NLGN4X: variants seen among roughly 807,000 people sequenced by gnomAD.
NLGN4X encodes neuroligin 4 X-linked.
NLGN4X carries 3 observed loss-of-function variants against 40.3 expected under a neutral mutation model. That is an observed-to-expected ratio of 0.07 (90% CI 0.03 to 0.19). The LOEUF is 0.19. Among genes scored for constraint, NLGN4X ranks in the 10% least tolerant of loss-of-function variants. The probability of loss-of-function intolerance (pLI) is 1.00; values close to 1 mark genes in which losing one functional copy is unlikely to be tolerated. For synonymous variants in NLGN4X, 270 were observed against 306.8 expected (o/e 0.88, Z 1.25); for missense variants, 382 against 708.3 (o/e 0.54, Z 5.23).
intron 5 of NLGN4X, among the ~76,000 whole-genome samples, chrX:5,902,123 T>C (rs2031906191): frequency 9.0e-6 from 1 of 111,421 alleles, no homozygotes; most frequent in Non-Finnish European, 1.9e-5. Context: ...GCTGGTGTGA[T>C]GGCTCACACC....
rs2031159717 is a variant in NLGN4X, at chrX:5,891,365, T to A, written c.*1452A>T. ...ACCGGATACACAAATCCACAAAAAG[T>A]GATGTTTTCAGACAATCATATGTTT... On this transcript the variant is annotated 3_prime_UTR_variant, in exon 6 of 6. Coordinates refer to ENST00000381095, the MANE Select transcript of NLGN4X (RefSeq NM_181332.3). The A allele has an allele frequency of 4.6e-6, 1 of 218,840 alleles. No homozygotes were observed. The highest frequency in any genetic ancestry group is 8.3e-6 in the Non-Finnish European group (1 of 120,796). The allele number at this position is 218,840 out of a possible 1,213,427, so 18.0% of individuals were successfully genotyped here. A position where few individuals can be genotyped will look rare whatever the true frequency, so the allele number is the denominator to read the frequency against.
chrX:6,166,586 A>T (rs1369942838), intron 1 of NLGN4X, among the ~76,000 whole-genome samples: 1 of 111,666 alleles, frequency 9.0e-6, no homozygotes, highest in East Asian at 2.8e-4. Context: ...TCCTTGGCTA[A>T]TTGCCAGTCT....
rs762832258 is a variant in NLGN4X at position 5,892,968 on chromosome X, G to A, written c.2300C>T (p.Ser767Leu). ...CGTCATAAGTGGGATGTCATCTGGC[G>A]ACCGGCGCAGCGTGAGGGTGTAGTC... Reference protein sequence around the residue: ...PPDYTLTLRRSPDDIPLMTPN... With the variant: ...PPDYTLTLRRLPDDIPLMTPN... Residue 767 changes from serine (S) to leucine (L), a missense_variant, in exon 6 of 6, where the codon TCG (serine) becomes TTG (leucine). Coordinates refer to ENST00000381095, the MANE Select transcript of NLGN4X (RefSeq NM_181332.3). 4 of 1,209,405 alleles carry A rather than the reference G, an allele frequency of 3.3e-6. No homozygotes were observed. Among genetic ancestry groups the A allele is most frequent in the Non-Finnish European group, 4.5e-6 (4 of 895,171 alleles).
chrX:6,131,130 A>T (rs2147620838), intron 2 of NLGN4X, among the ~76,000 whole-genome samples: 1 of 111,553 alleles, frequency 9.0e-6, no homozygotes, highest in African/African-American at 3.3e-5. Context: ...AATACCACCG[A>T]TAAATAATAT....
At chrX:6,194,881 G>A (rs943538648) in intron 1 of NLGN4X, among the ~76,000 whole-genome samples, 1 of 111,812 alleles carries the variant, frequency 8.9e-6, no homozygotes, top group Non-Finnish European at 1.9e-5. Context: ...CTGAAGCAGG[G>A]AGTAAGACCT....
intron 1 of NLGN4X, among the ~76,000 whole-genome samples, chrX:6,214,766 C>T (rs1481733669): frequency 8.9e-6 from 1 of 111,859 alleles, no homozygotes; most frequent in Non-Finnish European, 1.9e-5. Context: ...GTTCTCATCA[C>T]AGACAAAGCC....
At chrX:5,968,457 CTGTGTGTGTG>C (rs529573810) in intron 3 of NLGN4X, among the ~76,000 whole-genome samples, 1,909 of 46,977 alleles carry the variant, frequency 0.041, 133 homozygotes, top group Non-Finnish European at 0.049. Context: ...CTCTCTCTCT[CTGTGTGTGTG>C]TGTGTGTGTG....
chrX:6,023,285 G>A (rs2036601147), intron 3 of NLGN4X, among the ~76,000 whole-genome samples: 2 of 111,814 alleles, frequency 1.8e-5, no homozygotes, highest in Non-Finnish European at 3.8e-5. Context: ...AACCAGTATC[G>A]ATTGAATGGA....
chrX:6,095,832 A>G (rs1170482214), intron 2 of NLGN4X, among the ~76,000 whole-genome samples: 2 of 111,932 alleles, frequency 1.8e-5, no homozygotes, highest in African/African-American at 6.5e-5. Flanking sequence ...AAGTTTTAAT[A>G]GTGCTAATGT....
chrX:5,893,585 C>T lies in NLGN4X; in HGVS notation c.1683G>A (p.Lys561=). The T allele has an allele frequency of 8.3e-7, 1 of 1,211,364 alleles. No individual in the cohort carries two copies. The highest frequency in any genetic ancestry group is 1.1e-6 in the Non-Finnish European group (1 of 895,404). The stretch of plus-strand genomic sequence containing the variant: ...GATAGAGCTGGTCTTTGGGATTATA[C>T]TTGGACCAGGCCACTTCTTCAAAGC... ...PNRFEEVAWS[K]YNPKDQLYLH... Residue 561 remains lysine, a synonymous_variant, in exon 6 of 6, where the codon AAG becomes AAA. Transcript: ENST00000381095.
chrX:6,017,505 C>T lies in NLGN4X; in HGVS notation c.625+11775G>A, dbSNP rs138976220. On this transcript the variant is annotated intron_variant, in intron 3 of 5. Transcript: ENST00000381095. Reference sequence around the variant, plus strand: ...AACACAGGCATTTTGGTGGGGTAGCCTCCATGTGTTCAAAAGCACAGGATG... The same window carrying T: ...AACACAGGCATTTTGGTGGGGTAGCTTCCATGTGTTCAAAAGCACAGGATG... Among the ~76,000 whole-genome samples the T allele has an allele frequency of 1.3e-3, 148 of 111,501 alleles. No homozygotes were observed. The South Asian group carries it at 0.015, about 12-fold the overall frequency.
intron 1 of NLGN4X, among the ~76,000 whole-genome samples, chrX:6,193,595 A>G (rs1242406618): frequency 1.8e-5 from 2 of 111,592 alleles, no homozygotes; most frequent in Non-Finnish European, 3.8e-5. Context: ...GGTAGTTACA[A>G]GAACTAGCCG....
intron 1 of NLGN4X, among the ~76,000 whole-genome samples, chrX:6,178,421 G>A (rs749557736): frequency 8.4e-4 from 94 of 111,530 alleles, no homozygotes; most frequent in Non-Finnish European, 1.6e-3. Context: ...CTCCTTGTGG[G>A]AAGATGCCAT....
In NLGN4X at chrX:5,892,903, T is replaced by C. The variant is rs1261678121; in HGVS notation, c.2365A>G (p.Met789Val). 8.3e-7 allele frequency: 1 copy of C among 1,211,451 alleles called. No homozygotes were observed. The change falls in exon 6 of 6, where the codon ATG becomes GTG. Residue 789 changes from methionine (M) to valine (V), a missense_variant. By Grantham distance (21) the Met-to-Val change is conservative (BLOSUM62 1). Around this residue, in one of 5 missense-constraint regions of NLGN4X, gnomAD observed 57 missense variants for 65.6 expected, o/e 0.87. Transcript: ENST00000381095. ...ITMIPNTLTG[M>V]QPLHTFNTFS... ...GTGTTAAAAGTGTGCAAAGGCTGCA[T>C]CCCCGTCAGTGTGTTTGGAATCATG...
intron 3 of NLGN4X, among the ~76,000 whole-genome samples, chrX:5,946,388 T>C (rs1443273346): frequency 1.8e-5 from 2 of 112,059 alleles, no homozygotes; most frequent in Non-Finnish European, 3.8e-5. Flanking sequence ...TTGTCCATAT[T>C]GGATACCATT....
At chrX:6,022,616 G>A (rs1403801698) in intron 3 of NLGN4X, among the ~76,000 whole-genome samples, 2 of 111,678 alleles carry the variant, frequency 1.8e-5, no homozygotes, top group African/African-American at 6.5e-5. Context: ...GCACACCCAT[G>A]GAATTGAGGC....
intron 3 of NLGN4X, among the ~76,000 whole-genome samples, chrX:6,021,002 T>TTCTCTCTCTCTCTCTCTC (rs869309615): frequency 4.1e-5 from 1 of 24,123 alleles, no homozygotes; most frequent in Non-Finnish European, 7.4e-5. Flanking sequence ...CTTCCTTCTT[T>TTCTCTCTCTCTCTCTCTC]TCTCTCTCTC....
intron 3 of NLGN4X, among the ~76,000 whole-genome samples, chrX:5,955,556 G>T (rs1569152109): frequency 9.0e-6 from 1 of 111,035 alleles, no homozygotes; most frequent in Admixed American, 9.6e-5. Flanking sequence ...CCATGGAAAT[G>T]AAAACCAATT....
intron 2 of NLGN4X, among the ~76,000 whole-genome samples, chrX:6,147,522 T>G (rs1228117686): frequency 8.9e-6 from 1 of 112,017 alleles, no homozygotes; most frequent in Non-Finnish European, 1.9e-5. Context: ...CCCTCATGTA[T>G]GAACTCAAGT....
Sources: gnomAD v4.1 joint callset for allele counts (sites outside exome capture counted in the v4.1 genomes callset) on GRCh38, gnomAD v4.1.1 for gene constraint, gnomAD v4.1.1 regional missense constraint, MANE v1.5 for transcripts, NCBI Gene and HGNC (gene_info 2026-07-23, HGNC 2026-07-21) for gene names.